LINGO2: variants seen among roughly 807,000 people sequenced by gnomAD.
LINGO2 encodes leucine rich repeat and Ig domain containing 2, also known as leucine-rich repeat and immunoglobulin-like domain-containing nogo receptor-interacting protein 2.
In LINGO2, 14 loss-of-function variants were observed where a neutral mutation model predicts 30.6. That is an observed-to-expected ratio of 0.46 (90% CI 0.30 to 0.72). The LOEUF is 0.72. Among genes scored for constraint, LINGO2 ranks in the 30% least tolerant of loss-of-function variants. The pLI, the probability that LINGO2 is intolerant of heterozygous loss-of-function variation, is 0.07. For synonymous variants in LINGO2, 317 were observed against 288.5 expected, an observed-to-expected ratio of 1.10 and a Z score of -1.00; for missense variants, 729 against 751.7, an observed-to-expected ratio of 0.97 and a Z score of 0.35.
At chr9:29,146,115 T>C in the LINGO2 span, among the ~76,000 whole-genome samples, 1 of 152,146 alleles carries the variant, frequency 6.6e-6, no homozygotes, top group Non-Finnish European at 1.5e-5. Flanking sequence ...ATAATAAAGC[T>C]GCACTAGAGT....
At chr9:28,188,616 A>G (rs56302329) in intron 4 of LINGO2, among the ~76,000 whole-genome samples, 7,212 of 152,204 alleles carry the variant, frequency 0.047, 210 homozygotes, top group African/African-American at 0.081. Flanking sequence ...CCTTTTGGAT[A>G]TAAGAGGCAG....
At chr9:29,029,065 T>A in the LINGO2 span, among the ~76,000 whole-genome samples, 9 of 152,244 alleles carry the variant, frequency 5.9e-5, no homozygotes, top group East Asian at 1.7e-3. Context: ...GCACTCAAGC[T>A]TCATTGCTTC....
chr9:27,977,374 G>C (rs1174333543), intron 5 of LINGO2, among the ~76,000 whole-genome samples: 1 of 151,860 alleles, frequency 6.6e-6, no homozygotes, highest in African/African-American at 2.4e-5. Flanking sequence ...TCAGGTGATA[G>C]AGAGCTCGAA....
Position 28,405,224 on chromosome 9 carries a change from T to G in LINGO2, c.-278-32356A>C, listed in dbSNP as rs562288342. Among the ~76,000 whole-genome samples the G allele has an allele frequency of 2.0e-5, 3 of 152,272 alleles. No individual in the cohort carries two copies. In the South Asian group the frequency reaches 6.2e-4, roughly 32 times the overall value. On this transcript the variant is annotated intron_variant, in intron 2 of 5. Coordinates refer to ENST00000379992, the Ensembl canonical transcript of LINGO2. Reference sequence around the variant, plus strand: ...ATATTACGTAACTTGTATATTTAATTTAAGGCATTTTATTTCTTATTCTCT... The same window carrying G: ...ATATTACGTAACTTGTATATTTAATGTAAGGCATTTTATTTCTTATTCTCT...
At chr9:28,155,249 G>A (rs1187868905) in intron 4 of LINGO2, among the ~76,000 whole-genome samples, 1 of 152,190 alleles carries the variant, frequency 6.6e-6, no homozygotes, top group African/African-American at 2.4e-5. Flanking sequence ...ACCCAGCCAG[G>A]AATCTAGAAG....
the LINGO2 span, among the ~76,000 whole-genome samples, chr9:28,722,248 A>C: frequency 1.2e-4 from 18 of 152,274 alleles, no homozygotes; most frequent in Admixed American, 9.8e-4. Context: ...ACAAGAAATA[A>C]TTGCTACAGA....
Position 28,514,274 on chromosome 9 carries a change from A to C in LINGO2, c.-364-38249T>G, listed in dbSNP as rs56798067. Among the ~76,000 whole-genome samples the C allele has an allele frequency of 8.1e-4, 123 of 152,260 alleles. 1 individual carries two copies. Among genetic ancestry groups the C allele is most frequent in the African/African-American group, 2.7e-3 (112 of 41,552 alleles). On this transcript the variant is annotated intron_variant, in intron 1 of 5. Coordinates refer to ENST00000379992, the Ensembl canonical transcript of LINGO2. ...ACCCTACAATGGCTTCTAAGTGTTC[A>C]AGTGAAAAGAAGAGTAGCCCATCTC...
the LINGO2 span, among the ~76,000 whole-genome samples, chr9:28,793,767 T>C: frequency 1.3e-5 from 2 of 152,108 alleles, no homozygotes; most frequent in African/African-American, 2.4e-5. Flanking sequence ...ATAGCAAAGA[T>C]ATCACCCTGG....
intron 4 of LINGO2, among the ~76,000 whole-genome samples, chr9:28,143,880 G>T (rs1827742036): frequency 6.8e-6 from 1 of 147,014 alleles, no homozygotes; most frequent in Non-Finnish European, 1.5e-5. Flanking sequence ...GAAACAAGAG[G>T]TAATTATTAG....
At chr9:28,925,145 ATTGTTAT>A in the LINGO2 span, among the ~76,000 whole-genome samples, 2 of 152,228 alleles carry the variant, frequency 1.3e-5, no homozygotes, top group Admixed American at 6.5e-5. Context: ...AGTATATACA[ATTGTTAT>A]TGGTTAAAAA....
At chr9:28,035,075 A>G (rs750685981) in intron 4 of LINGO2, among the ~76,000 whole-genome samples, 3 of 152,222 alleles carry the variant, frequency 2.0e-5, no homozygotes, top group Non-Finnish European at 4.4e-5. Context: ...GGATATTCAA[A>G]TACTTTCTAA....
the LINGO2 span, among the ~76,000 whole-genome samples, chr9:29,006,330 C>T: frequency 1.3e-5 from 2 of 151,744 alleles, no homozygotes; most frequent in South Asian, 4.2e-4. Flanking sequence ...GCTTGGTATG[C>T]CAAGTATTAT....
At chr9:28,002,540 T>C (rs1024204927) in intron 5 of LINGO2, among the ~76,000 whole-genome samples, 1 of 152,234 alleles carries the variant, frequency 6.6e-6, no homozygotes, top group Non-Finnish European at 1.5e-5. Flanking sequence ...TTTAAAATAG[T>C]TCAAATCATG....
the LINGO2 span, among the ~76,000 whole-genome samples, chr9:29,037,829 TA>T: frequency 6.6e-6 from 1 of 151,912 alleles, no homozygotes; most frequent in Admixed American, 6.6e-5. Flanking sequence ...GATAGAATTG[TA>T]AAAAAATTAA....
At chr9:28,303,160 T>G (rs1391714915) in intron 3 of LINGO2, among the ~76,000 whole-genome samples, 1 of 152,162 alleles carries the variant, frequency 6.6e-6, no homozygotes, top group South Asian at 2.1e-4. Flanking sequence ...ACAGACAAAA[T>G]ACAAGAGAGA....
the LINGO2 span, among the ~76,000 whole-genome samples, chr9:28,916,373 G>C: frequency 6.6e-6 from 1 of 152,054 alleles, no homozygotes; most frequent in South Asian, 2.1e-4. Flanking sequence ...TAAGAGCCTG[G>C]CATCTTTTAA....
At chr9:28,160,531 A>G (rs1484290002) in intron 4 of LINGO2, among the ~76,000 whole-genome samples, 1 of 152,174 alleles carries the variant, frequency 6.6e-6, no homozygotes, top group African/African-American at 2.4e-5. Context: ...GTCCCATAAA[A>G]GACAAAATTC....
the LINGO2 span, among the ~76,000 whole-genome samples, chr9:28,740,195 G>A: frequency 1.3e-5 from 2 of 150,976 alleles, no homozygotes; most frequent in Non-Finnish European, 2.9e-5. Flanking sequence ...TCTGGAAAAT[G>A]CTTCATGTGC....
intron 4 of LINGO2, among the ~76,000 whole-genome samples, chr9:28,104,442 A>G (rs1483834344): frequency 6.6e-6 from 1 of 151,498 alleles, no homozygotes; most frequent in Non-Finnish European, 1.5e-5. Context: ...TTTATAAATA[A>G]CTCAGATTCT....
Sources: gnomAD v4.1 joint callset for allele counts (sites outside exome capture counted in the v4.1 genomes callset) on GRCh38, gnomAD v4.1.1 for gene constraint, MANE v1.5 for transcripts, NCBI Gene and HGNC (gene_info 2026-07-23, HGNC 2026-07-21) for gene names.